NF1: variants seen among roughly 807,000 people sequenced by gnomAD.
The protein encoded by NF1 is neurofibromin 1, also known as neurofibromin.
In NF1, 122 loss-of-function variants were observed where a neutral mutation model predicts 325.7. The observed-to-expected ratio is 0.37, with a 90% CI of 0.32 to 0.44. NF1 has a LOEUF of 0.44. NF1 is among the 20% of genes least tolerant of loss of function. The probability of loss-of-function intolerance (pLI) is 1.00; values close to 1 mark genes in which losing one functional copy is unlikely to be tolerated. For synonymous variants in NF1, 1,091 were observed against 1,186.0 expected, an observed-to-expected ratio of 0.92 and a Z score of 1.65; for missense variants, 2,140 against 3,415.4, an observed-to-expected ratio of 0.63 and a Z score of 9.31.
At position 31,097,672 on chromosome 17, in the gene NF1, GAGAA is replaced by G. The variant is rs1255902071; in HGVS notation, c.60+2307_60+2310del. Among the ~76,000 whole-genome samples the G allele has an allele frequency of 3.3e-5, 5 of 152,028 alleles. No individual in the cohort carries two copies. The East Asian group carries it at 9.7e-4, about 29-fold the overall frequency. On this transcript the variant is annotated intron_variant, in intron 1 of 57. Coordinates refer to ENST00000358273, the MANE Select transcript of NF1 (RefSeq NM_001042492.3). ...TCTGCATTCCTTATGTTGTAATTAAGAGAAAGATATATAGGAGAGATTATTCCTC... is the reference window on the plus strand; with the variant it reads ...TCTGCATTCCTTATGTTGTAATTAAGAGATATATAGGAGAGATTATTCCTC...
intron 17 of NF1, 68 bp downstream of exon 17, chr17:31,225,318 T>A: frequency 6.5e-7 from 1 of 1,539,142 alleles, no homozygotes; most frequent in Non-Finnish European, 9.0e-7. Context: ...TGAAATTTGG[T>A]AAATTTCATC....
At chr17:31,105,697 A>G (rs1159624192) in intron 1 of NF1, among the ~76,000 whole-genome samples, 1 of 152,018 alleles carries the variant, frequency 6.6e-6, no homozygotes, top group Non-Finnish European at 1.5e-5. Flanking sequence ...TTTTTTTAGT[A>G]GAGACAGGGT....
intron 36 of NF1, chr17:31,318,108 T>G (rs748960979): frequency 1.9e-4 from 114 of 585,700 alleles, no homozygotes; most frequent in Non-Finnish European, 2.8e-4. Flanking sequence ...TTTAAAATAT[T>G]CAGTGTCAAA....
chr17:31,328,328 G>C (rs2151542579), intron 38 of NF1, among the ~76,000 whole-genome samples: 1 of 152,218 alleles, frequency 6.6e-6, no homozygotes, highest in Non-Finnish European at 1.5e-5. Context: ...GAGTGTAATT[G>C]GTTCCATTTA....
intron 8 of NF1, among the ~76,000 whole-genome samples, chr17:31,192,657 G>T (rs1428043492): frequency 2.6e-5 from 4 of 152,176 alleles, no homozygotes; most frequent in Non-Finnish European, 5.9e-5. Context: ...GGAAAACAAA[G>T]GGAAAAGGGG....
At chr17:31,217,877 A>G (rs1458240353) in intron 13 of NF1, among the ~76,000 whole-genome samples, 1 of 150,598 alleles carries the variant, frequency 6.6e-6, no homozygotes, top group African/African-American at 2.4e-5. Flanking sequence ...AGGCAGGAGA[A>G]TCGGTTGAAC....
chr17:31,182,105 A>G (rs1041382484), intron 7 of NF1, among the ~76,000 whole-genome samples: 2 of 152,206 alleles, frequency 1.3e-5, no homozygotes, highest in African/African-American at 2.4e-5. Flanking sequence ...GGAGATGTGT[A>G]TAAAGTAGTA....
intron 20 of NF1, among the ~76,000 whole-genome samples, chr17:31,227,897 T>C (rs1271870243): frequency 6.6e-6 from 1 of 152,234 alleles, no homozygotes; most frequent in Non-Finnish European, 1.5e-5. Flanking sequence ...ACTTACTCTA[T>C]TGGACAGCAG....
At chr17:31,359,333 C>T (rs1206461725) in intron 56 of NF1, 1 of 337,486 alleles carries the variant, frequency 3.0e-6, no homozygotes, top group Admixed American at 4.6e-5. Flanking sequence ...AGTTAGATAT[C>T]TTATGACTAG....
intron 36 of NF1, among the ~76,000 whole-genome samples, chr17:31,276,967 T>C (rs771021538): frequency 2.0e-5 from 3 of 152,214 alleles, no homozygotes; most frequent in Non-Finnish European, 4.4e-5. Flanking sequence ...AGCCTTTTGA[T>C]AACATAAACA....
At chr17:31,145,610 AT>A (rs781141825) in intron 1 of NF1, among the ~76,000 whole-genome samples, 7 of 151,076 alleles carry the variant, frequency 4.6e-5, no homozygotes, top group Non-Finnish European at 1.0e-4. Context: ...CTTAATCTTG[AT>A]TTTTTTTTCC....
chr17:31,279,134 C>A (rs1012408267), intron 36 of NF1, among the ~76,000 whole-genome samples: 2 of 152,034 alleles, frequency 1.3e-5, no homozygotes, highest in African/African-American at 4.8e-5. Context: ...ATAGTCTTAG[C>A]CACTTGGGAA....
chr17:31,326,695 T>C (rs1172089032), intron 37 of NF1, among the ~76,000 whole-genome samples: 1 of 152,192 alleles, frequency 6.6e-6, no homozygotes, highest in Non-Finnish European at 1.5e-5. Flanking sequence ...CCAACATTTG[T>C]GTCATCATGG....
chr17:31,218,955 C>T (rs752357540), intron 13 of NF1, 50 bp from the exon 14 acceptor site: 1 of 1,514,112 alleles, frequency 6.6e-7, no homozygotes, highest in Non-Finnish European at 9.0e-7. Flanking sequence ...CTTCTAATCT[C>T]TCTCGATTTA....
At chr17:31,193,051 C>T (rs1567831785) in intron 8 of NF1, among the ~76,000 whole-genome samples, 1 of 152,124 alleles carries the variant, frequency 6.6e-6, no homozygotes, top group African/African-American at 2.4e-5. Flanking sequence ...AATGTATATT[C>T]TTCCAGTCTA....
intron 5 of NF1, among the ~76,000 whole-genome samples, chr17:31,172,331 GTCTGTCTC>G (rs71142029): frequency 0.01 from 1,471 of 145,574 alleles, 27 homozygotes; most frequent in African/African-American, 0.036. Flanking sequence ...TCCTGTCTCT[GTCTGTCTC>G]TCTGTCTCTC....
At chr17:31,295,810 C>T (rs1167189938) in intron 36 of NF1, 3 of 1,614,054 alleles carry the variant, frequency 1.9e-6, no homozygotes, top group Non-Finnish European at 2.5e-6. Flanking sequence ...AATTATTAGA[C>T]AGGTCCACGA....
chr17:31,375,824 C>A lies in NF1; in HGVS notation c.*1669C>A, dbSNP rs1276609835. 2 of 232,126 alleles carry A rather than the reference C, an allele frequency of 8.6e-6. No homozygotes were observed. The highest frequency in any genetic ancestry group is 1.7e-5 in the Non-Finnish European group (2 of 117,336). The allele number at this position is 232,126 out of a possible 1,614,324, so 14.4% of individuals were successfully genotyped here. On this transcript the variant is annotated 3_prime_UTR_variant, in exon 58 of 58. Coordinates refer to ENST00000358273, the MANE Select transcript of NF1 (RefSeq NM_001042492.3). ...AATGTAAATAAAATTGGTTTTGATA[C>A]TCAGAAATAACAAGAATTTAATTTT...
chr17:31,310,842 T>C (rs1422501833), intron 36 of NF1, among the ~76,000 whole-genome samples: 2 of 152,196 alleles, frequency 1.3e-5, no homozygotes, highest in Non-Finnish European at 2.9e-5. Flanking sequence ...TTCTTTTTCT[T>C]TGCTGAATAT....
Sources: allele counts gnomAD v4.1 joint callset (sites outside exome capture counted in the v4.1 genomes callset), GRCh38; gene constraint gnomAD v4.1.1; transcripts MANE v1.5; gene names NCBI Gene and HGNC (gene_info 2026-07-23, HGNC 2026-07-21).